The following NRG1 variants were observed in gnomAD, a reference collection of about 807,000 sequenced individuals.
The protein encoded by NRG1 is neuregulin 1, also known as pro-neuregulin-1, membrane-bound isoform.
Under a neutral mutation model 63.8 loss-of-function variants are expected in NRG1, and 18 were observed. The observed-to-expected ratio is 0.28, with a 90% CI of 0.19 to 0.42. The LOEUF (loss-of-function observed/expected upper bound fraction) is 0.42. Ranked by LOEUF, NRG1 falls within the 10% of genes least tolerant of loss-of-function variation. The pLI is 1.00. For synonymous variants in NRG1, 302 were observed against 301.3 expected, an observed-to-expected ratio of 1.00 and a Z score of -0.02; for missense variants, 762 against 814.7, an observed-to-expected ratio of 0.94 and a Z score of 0.79.
chr8:32,733,577 C>T (rs1232278490), intron 6 of NRG1, among the ~76,000 whole-genome samples: 1 of 152,052 alleles, frequency 6.6e-6, no homozygotes. Context: ...TTAAAATCTT[C>T]CACAGGCTTA....
At chr8:32,373,285 A>G (rs1344618252) in intron 1 of NRG1, among the ~76,000 whole-genome samples, 1 of 152,184 alleles carries the variant, frequency 6.6e-6, no homozygotes. Context: ...GTGTAACTGG[A>G]ATTTTCACCT....
At chr8:32,723,096 T>C (rs1030295428) in intron 5 of NRG1, among the ~76,000 whole-genome samples, 17 of 152,210 alleles carry the variant, frequency 1.1e-4, no homozygotes, top group African/African-American at 4.1e-4. Context: ...GTATCATATA[T>C]TTGTGTGCAG....
intron 1 of NRG1, among the ~76,000 whole-genome samples, chr8:32,275,260 A>C (rs957433439): frequency 2.6e-5 from 4 of 152,164 alleles, no homozygotes; most frequent in African/African-American, 9.7e-5. Context: ...CTAACAACCT[A>C]CTTTGTGTTA....
At chr8:31,968,751 G>A (rs955301768) in intron 1 of NRG1, among the ~76,000 whole-genome samples, 4 of 152,058 alleles carry the variant, frequency 2.6e-5, no homozygotes, top group African/African-American at 4.8e-5. Context: ...CTGTATAGCA[G>A]CATCAAAGTG....
chr8:32,175,133 A>G (rs1345100163), intron 1 of NRG1, among the ~76,000 whole-genome samples: 1 of 152,232 alleles, frequency 6.6e-6, no homozygotes, highest in Admixed American at 6.5e-5. Context: ...CTGATCCACC[A>G]TGATCAAGTG....
At chr8:32,714,838 A>T (rs1291198403) in intron 5 of NRG1, among the ~76,000 whole-genome samples, 2 of 152,218 alleles carry the variant, frequency 1.3e-5, no homozygotes, top group Non-Finnish European at 2.9e-5. Flanking sequence ...GTGCACGCAC[A>T]GTACTTTGGC....
intron 1 of NRG1, among the ~76,000 whole-genome samples, chr8:31,878,906 C>G (rs1830130342): frequency 6.6e-6 from 1 of 151,978 alleles, no homozygotes; most frequent in African/African-American, 2.4e-5. Context: ...TATGTAATGT[C>G]ATCATGAAAG....
intron 1 of NRG1, among the ~76,000 whole-genome samples, chr8:31,641,466 A>G (rs1242893900): frequency 1.3e-5 from 2 of 152,162 alleles, no homozygotes; most frequent in Non-Finnish European, 2.9e-5. Flanking sequence ...GCCCTGAAGA[A>G]GAAGAATTTT....
intron 1 of NRG1, among the ~76,000 whole-genome samples, chr8:32,159,560 A>T (rs1838599295): frequency 6.6e-6 from 1 of 151,096 alleles, no homozygotes; most frequent in Admixed American, 6.6e-5. Flanking sequence ...AAAAAAAAAG[A>T]AAAAGGCTTT....
intron 1 of NRG1, among the ~76,000 whole-genome samples, chr8:32,409,490 A>C (rs1814582580): frequency 6.6e-6 from 1 of 152,224 alleles, no homozygotes; most frequent in South Asian, 2.1e-4. Context: ...ATGGGTGAAA[A>C]TACTTGCAAA....
At chr8:31,912,160 G>T (rs1373916557) in intron 1 of NRG1, among the ~76,000 whole-genome samples, 1 of 152,170 alleles carries the variant, frequency 6.6e-6, no homozygotes, top group Non-Finnish European at 1.5e-5. Flanking sequence ...AGTAAGCACA[G>T]GGCCAAATGC....
At chr8:31,844,940 C>G (rs1826540363) in intron 1 of NRG1, among the ~76,000 whole-genome samples, 1 of 152,116 alleles carries the variant, frequency 6.6e-6, no homozygotes, top group South Asian at 2.1e-4. Context: ...AACCACATCT[C>G]TACTAACAAT....
chr8:32,052,111 G>A (rs1260079516), intron 1 of NRG1, among the ~76,000 whole-genome samples: 1 of 152,094 alleles, frequency 6.6e-6, no homozygotes, highest in Non-Finnish European at 1.5e-5. Context: ...TATACTGGTA[G>A]ATAGCAGAGT....
rs1457532355 is a variant in NRG1, at chr8:31,640,163, C to T, written c.37+732C>T. On this transcript the variant is annotated intron_variant, in intron 1 of 10. Transcript: ENST00000519301. The surrounding 1 kb of genome is among the most constrained non-coding windows in gnomAD (Gnocchi z 6.3). ...AACGAGGCGGCTCCCGCGGGGGCCT[C>T]GGTGTGCTACTCGTCCCCGCCCAGC... 1.1e-5 allele frequency: 13 copies of T among 1,181,764 alleles called. No individual in the cohort carries two copies. The Admixed American group carries it at 3.6e-4, about 33-fold the overall frequency. The allele number at this position is 1,181,764 out of a possible 1,614,324, so 73.2% of individuals were successfully genotyped here.
chr8:32,368,874 A>G (rs990973688), intron 1 of NRG1, among the ~76,000 whole-genome samples: 18 of 152,254 alleles, frequency 1.2e-4, no homozygotes, highest in African/African-American at 4.1e-4. Context: ...GTGAAAATTT[A>G]AATCACCGTA....
chr8:32,698,202 CA>C (rs113594688), intron 5 of NRG1, among the ~76,000 whole-genome samples: 2,974 of 131,380 alleles, frequency 0.023, 82 homozygotes, highest in African/African-American at 0.07. Flanking sequence ...GACTCCATCT[CA>C]AAAAAAAAAA....
chr8:32,434,575 T>C (rs1463239378), intron 1 of NRG1, among the ~76,000 whole-genome samples: 1 of 152,094 alleles, frequency 6.6e-6, no homozygotes, highest in African/African-American at 2.4e-5. Context: ...TGGAGCCAGC[T>C]TCAGAGGTGC....
intron 1 of NRG1, among the ~76,000 whole-genome samples, chr8:32,490,932 C>T (rs1056759864): frequency 2.6e-5 from 4 of 152,196 alleles, no homozygotes; most frequent in Middle Eastern, 3.4e-3. Flanking sequence ...TCCAATCTTA[C>T]ATTTTATTTT....
intron 1 of NRG1, among the ~76,000 whole-genome samples, chr8:32,353,280 A>C (rs1016903511): frequency 8.0e-5 from 12 of 150,630 alleles, no homozygotes; most frequent in African/African-American, 2.9e-4. Context: ...TGTACCTATA[A>C]TTTAAATAAA....
Sources: allele counts gnomAD v4.1 joint callset (sites outside exome capture counted in the v4.1 genomes callset), GRCh38; gene constraint gnomAD v4.1.1; non-coding constraint Gnocchi (gnomAD v3.1); transcripts MANE v1.5; gene names NCBI Gene and HGNC (gene_info 2026-07-23, HGNC 2026-07-21).